The following LBHD1 variants were observed in gnomAD, a reference collection of about 807,000 sequenced individuals.
The protein encoded by LBHD1 is LBH domain containing 1.
LBHD1 carries 28 observed loss-of-function variants against 31.1 expected under a neutral mutation model. The observed-to-expected ratio is 0.90, with a 90% CI of 0.67 to 1.24. The LOEUF (loss-of-function observed/expected upper bound fraction) is 1.24, where lower values mean the gene tolerates loss of function less well. Ranked by LOEUF, LBHD1 falls within the 50% of genes most tolerant of loss-of-function variation. The pLI is 0.00. For synonymous variants in LBHD1, 105 were observed against 116.5 expected, an observed-to-expected ratio of 0.90 and a Z score of 0.63; for missense variants, 350 against 323.0, an observed-to-expected ratio of 1.08 and a Z score of -0.64.
chr11:62,669,815 C>T lies in LBHD1; in HGVS notation c.151-12G>A, dbSNP rs894351424. On this transcript the variant is annotated splice_polypyrimidine_tract_variant and intron_variant, in intron 2 of 6. Coordinates refer to ENST00000354588, the MANE Select transcript of LBHD1 (RefSeq NM_024099.5). ...TTTTGAGAGAAATCCTGAATAGGGA[C>T]AGCAGGGAGGTTGGGCCAAACTGGA... 23 of 1,614,224 alleles carry T rather than the reference C, an allele frequency of 1.4e-5. No homozygotes were observed. The highest frequency in any genetic ancestry group is 1.9e-5 in the Non-Finnish European group (23 of 1,180,040).
rs374871460 is a variant in LBHD1, at chr11:62,669,313, C to T, written c.313+328G>A. ...TTGGGAGGCTGAGGCAGGAGAATGG[C>T]GTGAACCCAGGAGGCGGAGCTTGCA... is the stretch of plus-strand genomic sequence containing the variant. On this transcript the variant is annotated intron_variant, in intron 3 of 6. Coordinates refer to ENST00000354588, the MANE Select transcript of LBHD1 (RefSeq NM_024099.5). The T allele has an allele frequency of 2.0e-4, 161 of 798,250 alleles. 3 individuals carry two copies. The East Asian group carries it at 0.011, about 56-fold the overall frequency. 49.4% of individuals were successfully genotyped at this position (798,250 alleles called of 1,614,324 possible).
At chr11:62,665,518 C>T (rs759045855) in intron 4 of LBHD1, 2 of 1,569,808 alleles carry the variant, frequency 1.3e-6, no homozygotes, top group Non-Finnish European at 1.7e-6. Context: ...GTCATGTCTT[C>T]GGTGCTGGCG....
At chr11:62,667,838 C>T (rs1004740319) in intron 3 of LBHD1, 91 bp from the exon 4 acceptor site, 1 of 932,708 alleles carries the variant, frequency 1.1e-6, no homozygotes, top group East Asian at 2.4e-5. Context: ...TACCTATAAT[C>T]ACAGCACTTT....
intron 4 of LBHD1, chr11:62,666,918 TCTCAGATGAGGA>T: frequency 6.2e-7 from 1 of 1,613,838 alleles, no homozygotes; most frequent in Non-Finnish European, 8.5e-7. Context: ...CTGATTCAGT[TCTCAGATGAGGA>T]CCCTGATGTG....
At chr11:62,665,580 G>A in intron 4 of LBHD1, 2 of 1,570,912 alleles carry the variant, frequency 1.3e-6, no homozygotes, top group Non-Finnish European at 1.7e-6. Flanking sequence ...GGGAATCTCG[G>A]AGAAGGACAA....
At chr11:62,669,566 G>C in intron 3 of LBHD1, 75 bp downstream of exon 3, 2 of 1,547,724 alleles carry the variant, frequency 1.3e-6, no homozygotes, top group Non-Finnish European at 1.7e-6. Context: ...TGCAGGGGCC[G>C]TAACTGACTT....
Position 62,669,821 on chromosome 11 carries a change from G to A in LBHD1, c.151-18C>T. 6.2e-7 allele frequency: 1 copy of A among 1,614,218 alleles called. No individual in the cohort carries two copies. The highest frequency in any genetic ancestry group is 8.5e-7 in the Non-Finnish European group (1 of 1,180,032). ...GAGAAATCCTGAATAGGGACAGCAG[G>A]GAGGTTGGGCCAAACTGGAGGGTAA... On this transcript the variant is annotated intron_variant, in intron 2 of 6. Coordinates refer to ENST00000354588, the MANE Select transcript of LBHD1 (RefSeq NM_024099.5).
At chr11:62,670,150 G>C (rs1944913712) in intron 1 of LBHD1, 109 bp from the exon 2 acceptor site, 2 of 1,177,684 alleles carry the variant, frequency 1.7e-6, no homozygotes, top group Non-Finnish European at 2.4e-6. Flanking sequence ...CACCGACTGT[G>C]CTAAGCGATT....
rs775379917 is a variant in LBHD1 at position 62,664,910 on chromosome 11, G to T, written c.602C>A (p.Pro201Gln). The T allele has an allele frequency of 1.2e-6, 2 of 1,600,606 alleles. No individual in the cohort carries two copies. The highest frequency in any genetic ancestry group is 1.7e-6 in the Non-Finnish European group (2 of 1,173,934). The change falls in exon 5 of 7, where the codon CCG becomes CAG. Residue 201 changes from proline to glutamine, a missense_variant. By Grantham distance (76) the Pro-to-Gln change is moderately conservative (BLOSUM62 -1). Coordinates refer to ENST00000354588, the MANE Select transcript of LBHD1 (RefSeq NM_024099.5). ...TGGTCTATCACAGCCCCGACCACCCGGTGCCTCAGACGCCGCTCCCGATTC... is the reference window on the plus strand; with the variant it reads ...TGGTCTATCACAGCCCCGACCACCCTGTGCCTCAGACGCCGCTCCCGATTC... The part of the protein sequence containing the change: ...GVESGAASEA[P>Q]GGRGCDRPRA...
At chr11:62,665,390 C>T (rs1253227852) in intron 4 of LBHD1, 1 of 1,212,108 alleles carries the variant, frequency 8.3e-7, no homozygotes, top group Non-Finnish European at 1.2e-6. Flanking sequence ...GTGGGGGTGC[C>T]GGGTGGAAGG....
chr11:62,665,833 G>A, intron 4 of LBHD1: 2 of 1,602,782 alleles, frequency 1.2e-6, no homozygotes, highest in Non-Finnish European at 1.7e-6. Context: ...GGAGTAGGGT[G>A]GACGCTTCAC....
chr11:62,665,315 T>G, intron 4 of LBHD1: 1 of 729,360 alleles, frequency 1.4e-6, no homozygotes, highest in African/African-American at 1.8e-5. Context: ...GGGAGGCCTT[T>G]CGGAGGGTGG....
At chr11:62,665,131 C>T (rs747361034) in intron 4 of LBHD1, 158 bp from the exon 5 acceptor site, 2 of 1,086,530 alleles carry the variant, frequency 1.8e-6, no homozygotes, top group Non-Finnish European at 2.7e-6. Flanking sequence ...ACACAGTCAC[C>T]GTTCGGGGCC....
At chr11:62,663,562 C>T (rs1393426025) in intron 5 of LBHD1, among the ~76,000 whole-genome samples, 1 of 151,748 alleles carries the variant, frequency 6.6e-6, no homozygotes, top group African/African-American at 2.4e-5. Flanking sequence ...GGCGCAGTGG[C>T]GGGCGCCTGT....
Position 62,665,330 on chromosome 11 carries a change from C to A in LBHD1, c.539-357G>T, listed in dbSNP as rs117359740. On this transcript the variant is annotated intron_variant, in intron 4 of 6. Transcript: ENST00000354588. ...GGGAGGCCTTTCGGAGGGTGGTGAG[C>A]TAGTAAGTGTGGTTTTAGCTGTAGT... 4.4e-3 allele frequency: 3,247 copies of A among 744,546 alleles called. 140 individuals carry two copies. In the East Asian group the frequency reaches 0.073, roughly 17 times the overall value. The allele number at this position is 744,546 out of a possible 1,614,324, so 46.1% of individuals were successfully genotyped here.
At chr11:62,665,662 A>G (rs1590847919) in intron 4 of LBHD1, 2 of 1,480,634 alleles carry the variant, frequency 1.4e-6, no homozygotes, top group Admixed American at 2.3e-5. Flanking sequence ...CGGACGCTGT[A>G]TACCCTCCTC....
At position 62,665,976 on chromosome 11, in the gene LBHD1, CAAGGTGGGGGCAGAGTGGGGAGGGT is replaced by C. The variant is rs567910386; in HGVS notation, c.539-1028_539-1004del. On this transcript the variant is annotated intron_variant, in intron 4 of 6. Transcript: ENST00000354588. ...GGAGGTGGGGGCAGAGTGGAGAGGG[CAAGGTGGGGGCAGAGTGGGGAGGGT>C]AAGGTGGGTTCCTCGTGAGTCAGGA... The C allele has an allele frequency of 1.4e-3, 2,164 of 1,588,036 alleles. 8 individuals are homozygous for C. Among genetic ancestry groups the C allele is most frequent in the Middle Eastern group, 5.0e-3 (30 of 5,962 alleles).
At position 62,671,682 on chromosome 11, in the gene LBHD1, G is replaced by A; in HGVS notation, c.-129C>T. ...GCCTGCGCCAAGGGGTAGTGAGACC[G>A]CGCGGCAACAGCTTGCGGCTGCGGG... On this transcript the variant is annotated 5_prime_UTR_variant, in exon 1 of 7. Coordinates refer to ENST00000354588, the MANE Select transcript of LBHD1 (RefSeq NM_024099.5). The A allele has an allele frequency of 1.3e-6, 2 of 1,595,216 alleles. No individual in the cohort carries two copies. The highest frequency in any genetic ancestry group is 1.7e-6 in the Non-Finnish European group (2 of 1,171,162).
At chr11:62,665,322 G>C in intron 4 of LBHD1, 1 of 732,038 alleles carries the variant, frequency 1.4e-6, no homozygotes, top group African/African-American at 1.8e-5. Flanking sequence ...CTTTCGGAGG[G>C]TGGTGAGCTA....
Sources: gnomAD v4.1 joint callset for allele counts (sites outside exome capture counted in the v4.1 genomes callset) on GRCh38, gnomAD v4.1.1 for gene constraint, MANE v1.5 for transcripts, NCBI Gene and HGNC (gene_info 2026-07-23, HGNC 2026-07-21) for gene names.